BDP1: variants seen among roughly 807,000 people sequenced by gnomAD.
The protein encoded by BDP1 is BDP1 general transcription factor IIIB subunit, also known as transcription factor TFIIIB component B'' homolog.
Under a neutral mutation model 266.6 loss-of-function variants are expected in BDP1, and 169 were observed. The ratio of observed to expected loss-of-function variants is 0.63; its 90% CI spans 0.56 to 0.72. The LOEUF (loss-of-function observed/expected upper bound fraction) is 0.72, where lower values mean the gene tolerates loss of function less well. Among genes scored for constraint, BDP1 ranks in the 30% least tolerant of loss-of-function variants. BDP1 has a pLI of 0.00. For synonymous variants in BDP1, 1,090 were observed against 1,022.4 expected (o/e 1.07, Z -1.26); for missense variants, 3,015 against 3,053.8 (o/e 0.99, Z 0.30).
In BDP1 at chr5:71,455,884, C is replaced by T. The variant is rs1296601436; in HGVS notation, c.7C>T (p.Arg3Cys). Residue 3 changes from arginine (R) to cysteine (C), a missense_variant, in exon 1 of 39, where the codon CGC becomes TGC. Physicochemically the swap from Arg to Cys is radical, Grantham distance 180. Around this residue, in one of 3 missense-constraint regions of BDP1, gnomAD observed 2,383 missense variants for 2,404.9 expected, o/e 0.99. Transcript: ENST00000358731. The part of the protein sequence containing the change: MF[R>C]RARLSVKPNV... The stretch of plus-strand genomic sequence containing the variant: ...CGGGCCCCCTGCCTCCGCCATGTTC[C>T]GCAGGGCACGCCTTAGCGTGAAGCC... 1.3e-6 allele frequency: 2 copies of T among 1,585,032 alleles called. No individual in the cohort carries two copies. The highest frequency in any genetic ancestry group is 2.3e-5 in the East Asian group (1 of 43,452).
intron 13 of BDP1, among the ~76,000 whole-genome samples, chr5:71,497,896 C>T (rs1763987705): frequency 6.6e-6 from 1 of 152,154 alleles, no homozygotes; most frequent in Admixed American, 6.5e-5. Flanking sequence ...TCAAGTGATT[C>T]TCCCACATCA....
chr5:71,504,826 A>G (rs1764486606), intron 16 of BDP1, 75 bp downstream of exon 16: 2 of 1,436,482 alleles, frequency 1.4e-6, no homozygotes, highest in Non-Finnish European at 1.9e-6. Context: ...TTTTTAAAGC[A>G]GAAGCAATTT....
At chr5:71,458,143 A>C (rs1418732284) in intron 1 of BDP1, among the ~76,000 whole-genome samples, 3 of 152,360 alleles carry the variant, frequency 2.0e-5, no homozygotes, top group Non-Finnish European at 4.4e-5. Flanking sequence ...CCTCGGGTTG[A>C]TAAGTAAAGT....
In BDP1 at chr5:71,542,086, C is replaced by T; in HGVS notation, c.6252-19C>T. 6.3e-7 allele frequency: 1 copy of T among 1,585,252 alleles called. No individual in the cohort carries two copies. The stretch of plus-strand genomic sequence containing the variant: ...AAGATCTAACATGATTCATGAATTT[C>T]TCTATCTTCTGTTTTTAGGAATACA... On this transcript the variant is annotated intron_variant, in intron 29 of 38. Transcript: ENST00000358731.
chr5:71,477,488 A>G (rs1208760877), intron 7 of BDP1, among the ~76,000 whole-genome samples: 4 of 152,158 alleles, frequency 2.6e-5, no homozygotes, highest in Non-Finnish European at 5.9e-5. Context: ...AACTTATTTT[A>G]TAATAGTTTA....
In BDP1 at chr5:71,466,142, G is replaced by A. The variant is rs1761893687; in HGVS notation, c.706G>A (p.Glu236Lys). ...TAATGCTGAAGATAATGAAATGGAA[G>A]AAGAGACAGATGATGGGCCATTACT... is the stretch of plus-strand genomic sequence containing the variant. The part of the protein sequence containing the change: ...TPNAEDNEME[E>K]ETDDGPLLVP... Residue 236 changes from glutamate to lysine, a missense_variant, in exon 5 of 39, where the codon GAA (glutamate) becomes AAA (lysine). By Grantham distance (56) the Glu-to-Lys change is moderately conservative (BLOSUM62 1). Around this residue, in one of 3 missense-constraint regions of BDP1, gnomAD observed 2,383 missense variants for 2,404.9 expected, o/e 0.99. Coordinates refer to ENST00000358731, the MANE Select transcript of BDP1 (RefSeq NM_018429.3). 2.5e-6 allele frequency: 4 copies of A among 1,613,768 alleles called. No homozygotes were observed. Among genetic ancestry groups the A allele is most frequent in the Non-Finnish European group, 3.4e-6 (4 of 1,179,708 alleles).
chr5:71,480,612 G>C (rs190448093), intron 7 of BDP1, among the ~76,000 whole-genome samples: 9 of 149,578 alleles, frequency 6.0e-5, no homozygotes, highest in African/African-American at 2.2e-4. Flanking sequence ...TGTTGCCCAG[G>C]CTGGAGTTCA....
In BDP1 at chr5:71,455,902, G is replaced by T. The variant is rs776156765; in HGVS notation, c.25G>T (p.Val9Leu). 12 of 1,602,068 alleles carry T rather than the reference G, an allele frequency of 7.5e-6. No homozygotes were observed. Among genetic ancestry groups the T allele is most frequent in the Non-Finnish European group, 1.0e-5 (12 of 1,174,666 alleles). Residue 9 changes from valine (V) to leucine (L), a missense_variant, in exon 1 of 39, where the codon GTG (valine) becomes TTG (leucine). Val to Leu is a conservative substitution (Grantham distance 32, BLOSUM62 1). This residue lies in a region of BDP1 where 2,383 missense variants were observed against 2,404.9 expected (regional missense o/e 0.99). Coordinates refer to ENST00000358731, the MANE Select transcript of BDP1 (RefSeq NM_018429.3). Reference sequence around the variant, plus strand: ...CATGTTCCGCAGGGCACGCCTTAGCGTGAAGCCGAATGTCAGGCCTGGTGT... The same window carrying T: ...CATGTTCCGCAGGGCACGCCTTAGCTTGAAGCCGAATGTCAGGCCTGGTGT... MFRRARLS[V>L]KPNVRPGVGA...
chr5:71,525,551 A>C (rs1373710921), intron 25 of BDP1, among the ~76,000 whole-genome samples: 5 of 78,310 alleles, frequency 6.4e-5, no homozygotes, highest in East Asian at 4.2e-4. Context: ...TGACCTCCCC[A>C]CCTCCCTCCC....
intron 8 of BDP1, 111 bp downstream of exon 8, chr5:71,484,007 A>G (rs1763112684): frequency 1.2e-6 from 1 of 851,942 alleles, no homozygotes; most frequent in African/African-American, 1.7e-5. Context: ...CTGTATTGGC[A>G]TTAAGAGGAA....
chr5:71,494,023 G>T (rs1302019769), intron 11 of BDP1, among the ~76,000 whole-genome samples: 1 of 152,188 alleles, frequency 6.6e-6, no homozygotes, highest in African/African-American at 2.4e-5. Flanking sequence ...CCTCAGGTAA[G>T]ACATTTCTAT....
chr5:71,542,005 C>T, intron 29 of BDP1, 100 bp from the exon 30 acceptor site: 1 of 928,932 alleles, frequency 1.1e-6, no homozygotes, highest in South Asian at 1.9e-5. Flanking sequence ...CAGTGTGGCA[C>T]CTAACAGGTC....
Position 71,471,138 on chromosome 5 carries a change from C to CTTTTTTT in BDP1, c.1014+665_1014+671dup, listed in dbSNP as rs869292040. On this transcript the variant is annotated intron_variant, in intron 7 of 38. Coordinates refer to ENST00000358731, the MANE Select transcript of BDP1 (RefSeq NM_018429.3). ...ACCAGAGTACTTTGGTTAAGGGTAG[C>CTTTTTTT]TTTTTTTTTTTTTTTTTTTTTTGAG... 9.4e-4 allele frequency among the ~76,000 whole-genome samples: 108 copies of CTTTTTTT among 115,068 alleles called. 2 individuals carry two copies. The highest frequency in any genetic ancestry group is 3.2e-3 in the African/African-American group (92 of 29,146). 75.5% of individuals were successfully genotyped at this position (115,068 alleles called of 152,430 possible). A position where few individuals can be genotyped will look rare whatever the true frequency, so the allele number is the denominator to read the frequency against.
At chr5:71,564,153 C>G (rs997132494) in intron 38 of BDP1, among the ~76,000 whole-genome samples, 15 of 151,852 alleles carry the variant, frequency 9.9e-5, no homozygotes, top group Non-Finnish European at 1.9e-4. Flanking sequence ...TTATCAGATG[C>G]TAAATTTCTA....
At chr5:71,533,356 G>A (rs770173236) in intron 26 of BDP1, among the ~76,000 whole-genome samples, 1 of 151,582 alleles carries the variant, frequency 6.6e-6, no homozygotes, top group East Asian at 1.9e-4. Flanking sequence ...CTGCCAAACT[G>A]TTTTCCAAAG....
chr5:71,557,287 C>T (rs1169409051), intron 36 of BDP1, among the ~76,000 whole-genome samples: 1 of 151,994 alleles, frequency 6.6e-6, no homozygotes, highest in East Asian at 1.9e-4. Flanking sequence ...CAGCTCACTG[C>T]AGCCTCCACC....
At chr5:71,568,738 C>G (rs1041876038), downstream of BDP1, among the ~76,000 whole-genome samples, 1 of 152,212 alleles carries the variant, frequency 6.6e-6, no homozygotes, top group African/African-American at 2.4e-5. Context: ...GTATGTCTTC[C>G]TAAGACATCT....
Position 71,553,182 on chromosome 5 carries a change from T to C in BDP1, c.7062T>C (p.Asn2354=). 6.2e-7 allele frequency: 1 copy of C among 1,613,316 alleles called. No homozygotes were observed. Among genetic ancestry groups the C allele is most frequent in the East Asian group, 2.2e-5 (1 of 44,840 alleles). Residue 2354 remains asparagine (N), a synonymous_variant, in exon 35 of 39, where the codon AAT becomes AAC. Coordinates refer to ENST00000358731, the MANE Select transcript of BDP1 (RefSeq NM_018429.3). ...GTTTATCTATTTCTGGAAGAGATAA[T>C]TCTAAAAAGCCGCCTGATAATTTGG... is the stretch of plus-strand genomic sequence containing the variant. ...AMGLSISGRD[N]SKKPPDNLDL... is the part of the protein sequence containing the mutation.
Position 71,509,931 on chromosome 5 carries a change from G to C in BDP1, c.2839G>C (p.Val947Leu). Residue 947 changes from valine to leucine, a missense_variant, in exon 17 of 39, where the codon GTT becomes CTT. Val to Leu is a conservative substitution (Grantham distance 32, BLOSUM62 1). Coordinates refer to ENST00000358731, the MANE Select transcript of BDP1 (RefSeq NM_018429.3). ...CCCACAGAAAAATGGCCCAGAGGAG[G>C]TTAAGCCTCTAGGTGAAGTGGAGAC... ...ISPQKNGPEE[V>L]KPLGEVETDL... 1 of 1,613,902 alleles carries C rather than the reference G, an allele frequency of 6.2e-7. No individual in the cohort carries two copies. The highest frequency in any genetic ancestry group is 8.5e-7 in the Non-Finnish European group (1 of 1,179,982).
Sources: allele counts gnomAD v4.1 joint callset (sites outside exome capture counted in the v4.1 genomes callset), GRCh38; gene constraint gnomAD v4.1.1; regional missense constraint gnomAD v4.1.1; transcripts MANE v1.5; gene names NCBI Gene and HGNC (gene_info 2026-07-23, HGNC 2026-07-21).